SERINC2: variants seen among roughly 807,000 people sequenced by gnomAD.
SERINC2 encodes serine incorporator 2.
A neutral mutation model predicts 54.2 loss-of-function variants in SERINC2; 56 were observed. The observed-to-expected ratio is 1.03, with a 90% confidence interval of 0.83 to 1.29. The LOEUF is 1.29. SERINC2 is among the 50% of genes most tolerant of loss of function. SERINC2 has a pLI of 0.00. For synonymous variants in SERINC2, 272 were observed against 253.1 expected (o/e 1.07, Z -0.71); for missense variants, 614 against 607.4 (o/e 1.01, Z -0.12).
chr1:31,430,522 TAGTC>T (rs1641166862), intron 8 of SERINC2, among the ~76,000 whole-genome samples: 2 of 149,938 alleles, frequency 1.3e-5, no homozygotes, highest in Admixed American at 6.6e-5. Flanking sequence ...GTTTTGTAAT[TAGTC>T]AGGCATGGTG....
upstream of SERINC2, among the ~76,000 whole-genome samples, chr1:31,412,559 C>G (rs1553131600): frequency 1.3e-5 from 2 of 152,260 alleles, no homozygotes; most frequent in East Asian, 3.9e-4. Flanking sequence ...GTCCCAGCTA[C>G]TCAGGAGCCT....
At position 31,425,936 on chromosome 1, in the gene SERINC2, C is replaced by T. The variant is rs369230932; in HGVS notation, c.610+23C>T. 5.2e-5 allele frequency: 84 copies of T among 1,603,428 alleles called. No homozygotes were observed. The South Asian group carries it at 5.6e-4, about 11-fold the overall frequency. ...CAGGTCAGTGCTGCCACCCTGCCTC[C>T]GTGTGGGGACTCGAGCCTGGGCAGG... On this transcript the variant is annotated intron_variant, in intron 5 of 9. Transcript: ENST00000373709.
chr1:31,426,573 A>C, intron 5 of SERINC2, 81 bp from the exon 6 acceptor site: 1 of 1,207,662 alleles, frequency 8.3e-7, no homozygotes, highest in Non-Finnish European at 1.2e-6. Context: ...AGAGCTGCCA[A>C]CAGGGTCCCT....
intron 1 of SERINC2, among the ~76,000 whole-genome samples, chr1:31,423,194 G>C (rs782459288): frequency 6.6e-6 from 1 of 152,202 alleles, no homozygotes; most frequent in Non-Finnish European, 1.5e-5. Context: ...CAGAAGTCCC[G>C]CGGGGAAAAA....
chr1:31,418,671 A>G (rs782038758), intron 1 of SERINC2, among the ~76,000 whole-genome samples: 7 of 152,146 alleles, frequency 4.6e-5, no homozygotes, highest in Admixed American at 1.3e-4. Flanking sequence ...CACCACGCCC[A>G]GACAGCCAGT....
Position 31,425,205 on chromosome 1 carries a change from G to A in SERINC2, c.393-125G>A, listed in dbSNP as rs879999488. 3.8e-6 allele frequency: 3 copies of A among 780,136 alleles called. No individual in the cohort carries two copies. The East Asian group carries it at 7.3e-5, about 19-fold the overall frequency. 48.3% of individuals were successfully genotyped at this position (780,136 alleles called of 1,614,324 possible). A position where few individuals can be genotyped will look rare whatever the true frequency, so the allele number is the denominator to read the frequency against. ...TCTGTGCCTATCAGACCACCAGAAAGCCCACCCTCACCCCTCTCAGCACCT... is the reference window on the plus strand; with the variant it reads ...TCTGTGCCTATCAGACCACCAGAAAACCCACCCTCACCCCTCTCAGCACCT... On this transcript the variant is annotated intron_variant, in intron 3 of 9. Coordinates refer to ENST00000373709, the MANE Select transcript of SERINC2 (RefSeq NM_178865.5).
rs1264401996 is a variant in SERINC2, at chr1:31,423,807, G to T, written c.154G>T (p.Val52Leu). The T allele has an allele frequency of 3.7e-6, 6 of 1,613,954 alleles. No individual in the cohort carries two copies. In the African/African-American group the frequency reaches 5.3e-5, roughly 14 times the overall value. The change falls in exon 2 of 10, where the codon GTG becomes TTG. Residue 52 changes from valine (V) to leucine (L), a missense_variant. Transcript: ENST00000373709. The stretch of plus-strand genomic sequence containing the variant: ...GTTCTTCCTCTTCCTGGGGGTGCTG[G>T]TGTCCATCATTATGCTGAGCCCGGG... ...FTFFLFLGVL[V>L]SIIMLSPGVE...
intron 7 of SERINC2, 143 bp from the exon 8 acceptor site, chr1:31,429,254 C>A: frequency 8.9e-7 from 1 of 1,121,528 alleles, no homozygotes; most frequent in Non-Finnish European, 1.3e-6. Context: ...CTTGTGACTG[C>A]TGAGCGCTCT....
chr1:31,433,317 C>T, intron 9 of SERINC2, 132 bp downstream of exon 9: 1 of 724,506 alleles, frequency 1.4e-6, no homozygotes, highest in Non-Finnish European at 2.3e-6. Context: ...TATCAAGGAC[C>T]CTCCATAGAG....
At position 31,434,508 on chromosome 1, in the gene SERINC2, G is replaced by C; in HGVS notation, c.*309G>C. On this transcript the variant is annotated 3_prime_UTR_variant, in exon 10 of 10. Transcript: ENST00000373709. ...GGGCTCCCTTGTCCTCAGGCTCCACGGGAGCGGGGCTGCTGGAGAGAGCGG... is the reference window on the plus strand; with the variant it reads ...GGGCTCCCTTGTCCTCAGGCTCCACCGGAGCGGGGCTGCTGGAGAGAGCGG... The C allele has an allele frequency of 5.2e-6, 2 of 382,636 alleles. No individual in the cohort carries two copies. The highest frequency in any genetic ancestry group is 9.5e-6 in the Non-Finnish European group (2 of 209,512). 23.7% of individuals were successfully genotyped at this position (382,636 alleles called of 1,614,324 possible). A position where few individuals can be genotyped will look rare whatever the true frequency, so the allele number is the denominator to read the frequency against.
chr1:31,432,055 GAC>G (rs1557500823), intron 8 of SERINC2, among the ~76,000 whole-genome samples: 9 of 132,894 alleles, frequency 6.8e-5, no homozygotes, highest in East Asian at 2.4e-4. Context: ...GGACAGGGTG[GAC>G]AGGGTGGACA....
intron 1 of SERINC2, among the ~76,000 whole-genome samples, chr1:31,422,815 G>T (rs1341546867): frequency 6.6e-6 from 1 of 152,188 alleles, no homozygotes; most frequent in Non-Finnish European, 1.5e-5. Context: ...GTGTGGCATA[G>T]TGTGTCATCA....
In SERINC2 at chr1:31,423,836, G is replaced by A. The variant is rs782663464; in HGVS notation, c.183G>A (p.Val61=). 6.2e-7 allele frequency: 1 copy of A among 1,613,996 alleles called. No individual in the cohort carries two copies. Among genetic ancestry groups the A allele is most frequent in the Non-Finnish European group, 8.5e-7 (1 of 1,180,010 alleles). ...CCATCATTATGCTGAGCCCGGGCGT[G>A]GAGAGTCAGCTCTACAAGGTGAGTG... ...LVSIIMLSPG[V]ESQLYKLPWV... Residue 61 remains valine (V), a synonymous_variant, in exon 2 of 10, where the codon GTG becomes GTA. Transcript: ENST00000373709.
intron 1 of SERINC2, among the ~76,000 whole-genome samples, chr1:31,421,598 G>A (rs1048512126): frequency 6.6e-5 from 10 of 152,180 alleles, no homozygotes; most frequent in African/African-American, 2.4e-4. Context: ...GCAGATGCCC[G>A]CCAGCAGGGT....
rs571624463 is a variant in SERINC2 at position 31,415,839 on chromosome 1, C to T, written c.39+2535C>T. Reference sequence around the variant, plus strand: ...AGTGGGGAAGATTTTTGTATCCTCCCAGGTGTGACTCATCTGCTGATTGTG... The same window carrying T: ...AGTGGGGAAGATTTTTGTATCCTCCTAGGTGTGACTCATCTGCTGATTGTG... On this transcript the variant is annotated intron_variant, in intron 1 of 9. Transcript: ENST00000373709. 1.6e-5 allele frequency: 16 copies of T among 985,202 alleles called. No homozygotes were observed. The African/African-American group carries it at 2.8e-4, about 17-fold the overall frequency. 61.0% of individuals were successfully genotyped at this position (985,202 alleles called of 1,614,324 possible). A position where few individuals can be genotyped will look rare whatever the true frequency, so the allele number is the denominator to read the frequency against.
At position 31,425,402 on chromosome 1, in the gene SERINC2, C is replaced by T. The variant is rs782456186; in HGVS notation, c.465C>T (p.Phe155=). 5 of 1,608,700 alleles carry T rather than the reference C, an allele frequency of 3.1e-6. No homozygotes were observed. The Admixed American group carries it at 6.7e-5, about 21-fold the overall frequency. ...VGAFYIPDGS[F]TNIWFYFGVV... The stretch of plus-strand genomic sequence containing the variant: ...CCTTCTACATTCCTGACGGCTCCTT[C>T]ACCAACAGTAGGCGGACTTGGCAGG... The change falls in exon 4 of 10, where the codon TTC becomes TTT. Residue 155 remains phenylalanine, a synonymous_variant. Coordinates refer to ENST00000373709, the MANE Select transcript of SERINC2 (RefSeq NM_178865.5).
intron 1 of SERINC2, among the ~76,000 whole-genome samples, chr1:31,420,642 C>T (rs1326748932): frequency 6.6e-6 from 1 of 152,160 alleles, no homozygotes; most frequent in Non-Finnish European, 1.5e-5. Context: ...AGAGCCTGGC[C>T]CTTGGTGCAC....
chr1:31,431,725 G>A, intron 8 of SERINC2, among the ~76,000 whole-genome samples: 1 of 136,260 alleles, frequency 7.3e-6, no homozygotes, highest in Non-Finnish European at 1.7e-5. Context: ...TCCCATGCAT[G>A]AGATATCCAT....
At chr1:31,432,201 G>GGGTGGAT (rs1557501792) in intron 8 of SERINC2, among the ~76,000 whole-genome samples, 1 of 108,966 alleles carries the variant, frequency 9.2e-6, no homozygotes, top group Admixed American at 9.5e-5. Context: ...TTAGAGTGGA[G>GGGTGGAT]AGAGTGGACA....
Sources: gnomAD v4.1 joint callset for allele counts (sites outside exome capture counted in the v4.1 genomes callset) on GRCh38, gnomAD v4.1.1 for gene constraint, MANE v1.5 for transcripts, NCBI Gene and HGNC (gene_info 2026-07-23, HGNC 2026-07-21) for gene names.